Variants in PGPEP1 observed in about 807,000 individuals in gnomAD.
The protein encoded by PGPEP1 is pyroglutamyl-peptidase I, also known as pyroglutamyl-peptidase 1.
In PGPEP1, 15 loss-of-function variants were observed where a neutral mutation model predicts 24.1. That is an observed-to-expected ratio of 0.62 (90% CI 0.42 to 0.96). The LOEUF is 0.96. PGPEP1 is among the 40% of genes least tolerant of loss of function. The pLI is 0.00. For synonymous variants in PGPEP1, 122 were observed against 116.4 expected (o/e 1.05, Z -0.31); for missense variants, 242 against 273.4 (o/e 0.89, Z 0.81).
At position 18,355,875 on chromosome 19, in the gene PGPEP1, C is replaced by T. The variant is rs985479646; in HGVS notation, c.88-20C>T. The T allele has an allele frequency of 2.6e-6, 4 of 1,509,784 alleles. No individual in the cohort carries two copies. The highest frequency in any genetic ancestry group is 2.8e-6 in the Non-Finnish European group (3 of 1,085,180). 93.5% of individuals were successfully genotyped at this position (1,509,784 alleles called of 1,614,324 possible). A position where few individuals can be genotyped will look rare whatever the true frequency, so the allele number is the denominator to read the frequency against. ...AGCTGTCATCTGGGGCCATGACACT[C>T]CCACTCTCCTCTCTTCCAGGAGCTA... is the stretch of plus-strand genomic sequence containing the variant. On this transcript the variant is annotated intron_variant, in intron 2 of 4. Coordinates refer to ENST00000269919, the MANE Select transcript of PGPEP1 (RefSeq NM_017712.4).
At chr19:18,353,078 C>T (rs377400610) in intron 2 of PGPEP1, among the ~76,000 whole-genome samples, 134 of 151,956 alleles carry the variant, frequency 8.8e-4, no homozygotes, top group African/African-American at 3.1e-3. Context: ...CCACCATGCC[C>T]GGCTAATTTT....
At chr19:18,351,776 C>G (rs1202630385) in intron 2 of PGPEP1, among the ~76,000 whole-genome samples, 1 of 151,930 alleles carries the variant, frequency 6.6e-6, no homozygotes, top group African/African-American at 2.4e-5. Flanking sequence ...GACCCCATCT[C>G]TAAAAGAAAA....
rs958889087 is a variant in PGPEP1, at chr19:18,364,933, G to A, written c.*1350G>A. On this transcript the variant is annotated 3_prime_UTR_variant, in exon 5 of 5. Transcript: ENST00000269919. ...GGACGAGTTTGTTGTTCTCCTTAGCGGGGTGGCGCGGGGGGCTCAAAACGG... is the reference window on the plus strand; with the variant it reads ...GGACGAGTTTGTTGTTCTCCTTAGCAGGGTGGCGCGGGGGGCTCAAAACGG... 4 of 143,418 alleles carry A rather than the reference G, an allele frequency of 2.8e-5. No individual in the cohort carries two copies. The highest frequency in any genetic ancestry group is 2.0e-4 in the East Asian group (1 of 5,108). 8.9% of individuals were successfully genotyped at this position (143,418 alleles called of 1,614,324 possible).
intron 2 of PGPEP1, among the ~76,000 whole-genome samples, chr19:18,343,156 C>T (rs534160299): frequency 7.2e-5 from 11 of 152,040 alleles, no homozygotes; most frequent in Middle Eastern, 6.3e-3. Flanking sequence ...GCTGCCACCA[C>T]GCCCGGCTAA....
chr19:18,340,759 G>A, intron 1 of PGPEP1, 44 bp downstream of exon 1: 3 of 1,396,816 alleles, frequency 2.1e-6, no homozygotes, highest in Non-Finnish European at 2.8e-6. Context: ...GCCGGGGGCA[G>A]AGGCGGGGGC....
At position 18,344,953 on chromosome 19, in the gene PGPEP1, CCCTTCT is replaced by C. The variant is rs554210402; in HGVS notation, c.87+2047_87+2052del. 2.4e-3 allele frequency among the ~76,000 whole-genome samples: 366 copies of C among 152,154 alleles called. 5 individuals are homozygous for C. The highest frequency in any genetic ancestry group is 3.2e-3 in the Non-Finnish European group (220 of 67,996). Reference sequence around the variant, plus strand: ...TATCTTGTGGCCAGAGAGGAAATAGCCCTTCTCCTTGGTTCTCCTCTCTCCAGACCT... The same window carrying C: ...TATCTTGTGGCCAGAGAGGAAATAGCCCTTGGTTCTCCTCTCTCCAGACCT... On this transcript the variant is annotated intron_variant, in intron 2 of 4. Coordinates refer to ENST00000269919, the MANE Select transcript of PGPEP1 (RefSeq NM_017712.4).
rs1971119014 is a variant in PGPEP1, at chr19:18,354,311, C to T, written c.88-1584C>T. ...GAGATCGAGACCATCCTGGCTAACA[C>T]AGTGAAACCCCGTCTCCACTAAAGA... On this transcript the variant is annotated intron_variant, in intron 2 of 4. Transcript: ENST00000269919. Among the ~76,000 whole-genome samples, 6 of 151,830 alleles carry T rather than the reference C, an allele frequency of 4.0e-5. No individual in the cohort carries two copies. In the South Asian group the frequency reaches 1.2e-3, roughly 32 times the overall value.
chr19:18,341,356 T>TC (rs1378513573), intron 1 of PGPEP1, among the ~76,000 whole-genome samples: 3 of 151,680 alleles, frequency 2.0e-5, no homozygotes, highest in East Asian at 1.9e-4. Flanking sequence ...TGTCACCGAC[T>TC]CCCCCCCACC....
chr19:18,353,107 C>T (rs10409640), intron 2 of PGPEP1, among the ~76,000 whole-genome samples: 140,581 of 151,926 alleles, frequency 0.93, 65,249 homozygotes, highest in South Asian at 0.98. Context: ...TTAGTAGAGA[C>T]GGGGTTTCAC....
chr19:18,355,863 G>T (rs1423108256), intron 2 of PGPEP1, 32 bp from the exon 3 acceptor site: 1 of 1,369,094 alleles, frequency 7.3e-7, no homozygotes, highest in Non-Finnish European at 1.0e-6. Flanking sequence ...TGTCATCTGG[G>T]GCCATGACAC....
At chr19:18,342,782 TGG>T in intron 1 of PGPEP1, 75 bp from the exon 2 acceptor site, 1 of 1,088,770 alleles carries the variant, frequency 9.2e-7, no homozygotes, top group Non-Finnish European at 1.4e-6. Context: ...CTTCTCCAGG[TGG>T]GAGTAGCGGC....
intron 4 of PGPEP1, among the ~76,000 whole-genome samples, chr19:18,363,115 G>T (rs1600226697): frequency 6.6e-6 from 1 of 151,048 alleles, no homozygotes; most frequent in Non-Finnish European, 1.5e-5. Flanking sequence ...GAGTGCAGTG[G>T]TGCAATCATG....
intron 2 of PGPEP1, among the ~76,000 whole-genome samples, chr19:18,347,085 C>T (rs2144537239): frequency 6.6e-6 from 1 of 150,496 alleles, no homozygotes; most frequent in Non-Finnish European, 1.5e-5. Flanking sequence ...GAGACAGGGT[C>T]TCACTCTGTC....
Position 18,365,971 on chromosome 19 carries a change from G to C in PGPEP1, c.*2388G>C, listed in dbSNP as rs1971535052. 1 of 152,124 alleles carries C rather than the reference G, an allele frequency of 6.6e-6. No homozygotes were observed. The highest frequency in any genetic ancestry group is 3.4e-3 in the Middle Eastern group (1 of 294). The allele number at this position is 152,124 out of a possible 1,614,324, so 9.4% of individuals were successfully genotyped here. The stretch of plus-strand genomic sequence containing the variant: ...CCCCCTCCACACCCCTGGTAGCTCT[G>C]TGTCCTGAGAAATCCAGAGTGTGGG... On this transcript the variant is annotated 3_prime_UTR_variant, in exon 5 of 5. Transcript: ENST00000269919.
intron 2 of PGPEP1, among the ~76,000 whole-genome samples, chr19:18,348,097 C>G (rs73009405): frequency 0.075 from 11,348 of 152,070 alleles, 612 homozygotes; most frequent in Non-Finnish European, 0.11. Flanking sequence ...CCCAGCACCC[C>G]AAGCACGAGG....
At chr19:18,357,852 A>C (rs1600218664) in intron 4 of PGPEP1, 1 of 542,706 alleles carries the variant, frequency 1.8e-6, no homozygotes, top group Non-Finnish European at 3.3e-6. Context: ...AGCATCTCCC[A>C]CCTGGACACT....
At chr19:18,353,807 C>T (rs1393232872) in intron 2 of PGPEP1, among the ~76,000 whole-genome samples, 1 of 152,192 alleles carries the variant, frequency 6.6e-6, no homozygotes, top group East Asian at 1.9e-4. Context: ...CACATTGTAC[C>T]ACGGATCAGT....
intron 4 of PGPEP1, among the ~76,000 whole-genome samples, chr19:18,362,338 C>T (rs1480327594): frequency 2.0e-5 from 3 of 151,502 alleles, no homozygotes; most frequent in East Asian, 1.9e-4. Flanking sequence ...ACCCGGGAGG[C>T]GAAGGTTGGA....
At chr19:18,340,787 G>A in intron 1 of PGPEP1, 72 bp downstream of exon 1, 1 of 1,130,968 alleles carries the variant, frequency 8.8e-7, no homozygotes. Context: ...GGACTGCGGG[G>A]CCGAGAGGGG....
Sources: gnomAD v4.1 joint callset for allele counts (sites outside exome capture counted in the v4.1 genomes callset) on GRCh38, gnomAD v4.1.1 for gene constraint, MANE v1.5 for transcripts, NCBI Gene and HGNC (gene_info 2026-07-23, HGNC 2026-07-21) for gene names.